Variants in DNM3 observed in about 807,000 individuals in gnomAD.
DNM3 encodes dynamin 3.
A neutral mutation model predicts 101.6 loss-of-function variants in DNM3; 47 were observed. The ratio of observed to expected loss-of-function variants is 0.46; its 90% CI spans 0.37 to 0.59. DNM3 has a LOEUF of 0.59. DNM3 is among the 20% of genes least tolerant of loss of function. DNM3 has a pLI of 0.00. For missense variants in DNM3, 849 were observed against 1,085.7 expected (o/e 0.78, Z 3.06); for synonymous variants, 385 against 387.9 (o/e 0.99, Z 0.09).
intron 1 of DNM3, among the ~76,000 whole-genome samples, chr1:171,853,731 C>A (rs999045065): frequency 6.6e-6 from 1 of 152,160 alleles, no homozygotes; most frequent in Non-Finnish European, 1.5e-5. Context: ...ATAACTCTGA[C>A]AGCATCCTGC....
chr1:172,164,227 C>CTTTTTTTTTTTTTTTT (rs1165249284), intron 14 of DNM3, among the ~76,000 whole-genome samples: 5 of 102,522 alleles, frequency 4.9e-5, no homozygotes, highest in African/African-American at 2.4e-4. Flanking sequence ...ATTTTCTTTT[C>CTTTTTTTTTTTTTTTT]TTTTCTTTTT....
At chr1:171,960,949 T>C (rs1002049291) in intron 2 of DNM3, among the ~76,000 whole-genome samples, 1 of 151,874 alleles carries the variant, frequency 6.6e-6, no homozygotes, top group African/African-American at 2.4e-5. Flanking sequence ...GGCAGTTGAG[T>C]TGGAAGTAGT....
chr1:172,354,110 T>TGAGAGAGAGAGAGAGAGAGAGAGAGAGA (rs1445200263), intron 17 of DNM3, among the ~76,000 whole-genome samples: 1 of 52,512 alleles, frequency 1.9e-5, no homozygotes, highest in Non-Finnish European at 3.7e-5. Context: ...TGTGTGTGTG[T>TGAGAGAGAGAGAGAGAGAGAGAGAGAGA]GTGAGAGAGA....
At chr1:172,100,347 A>C (rs147047363) in intron 13 of DNM3, among the ~76,000 whole-genome samples, 149 of 152,250 alleles carry the variant, frequency 9.8e-4, no homozygotes, top group African/African-American at 3.5e-3. Flanking sequence ...TTTTCATAGG[A>C]TCTCTCACAG....
At chr1:172,240,600 G>A (rs1020469797) in intron 14 of DNM3, among the ~76,000 whole-genome samples, 1 of 152,068 alleles carries the variant, frequency 6.6e-6, no homozygotes, top group African/African-American at 2.4e-5. Context: ...ACATCCAAAG[G>A]GCTAGCATGT....
intron 2 of DNM3, among the ~76,000 whole-genome samples, chr1:171,936,693 T>A (rs1205462380): frequency 6.6e-6 from 1 of 152,224 alleles, no homozygotes; most frequent in African/African-American, 2.4e-5. Flanking sequence ...TATTACATAA[T>A]GTAAAGGGTG....
chr1:172,124,084 A>C (rs1247130796), intron 13 of DNM3, among the ~76,000 whole-genome samples: 1 of 152,238 alleles, frequency 6.6e-6, no homozygotes. Flanking sequence ...ATGTTCAGAC[A>C]TGCTGTTTCT....
At chr1:172,271,590 T>G (rs2063088156) in intron 15 of DNM3, among the ~76,000 whole-genome samples, 1 of 152,036 alleles carries the variant, frequency 6.6e-6, no homozygotes. Context: ...AATGGAAGAG[T>G]ATTTTAATAG....
intron 9 of DNM3, among the ~76,000 whole-genome samples, chr1:172,044,984 A>T (rs1028398598): frequency 7.8e-6 from 1 of 128,700 alleles, no homozygotes; most frequent in South Asian, 2.9e-4. Context: ...ACAGGAGAGG[A>T]TGGAAGGATG....
At chr1:172,031,713 T>G (rs1284470093) in intron 4 of DNM3, among the ~76,000 whole-genome samples, 1 of 152,204 alleles carries the variant, frequency 6.6e-6, no homozygotes, top group Non-Finnish European at 1.5e-5. Flanking sequence ...ACCTTGGAGA[T>G]CATGGTTTCT....
At chr1:172,208,232 T>G (rs1373945480) in intron 14 of DNM3, among the ~76,000 whole-genome samples, 13 of 152,112 alleles carry the variant, frequency 8.5e-5, no homozygotes, top group Non-Finnish European at 1.9e-4. Context: ...CTTTTGGCTT[T>G]GCTCTTTAAA....
chr1:172,055,891 C>T (rs556153875), intron 10 of DNM3, among the ~76,000 whole-genome samples: 18 of 152,264 alleles, frequency 1.2e-4, no homozygotes, highest in African/African-American at 3.8e-4. Context: ...GCATGAGCGA[C>T]GCAGAAGACT....
Position 172,323,329 on chromosome 1 carries a change from G to C in DNM3, c.1882G>C (p.Gly628Arg), listed in dbSNP as rs2065805688. The C allele has an allele frequency of 6.2e-7, 1 of 1,604,566 alleles. No homozygotes were observed. Among genetic ancestry groups the C allele is most frequent in the Admixed American group, 1.7e-5 (1 of 59,108 alleles). The change falls in exon 17 of 21, where the codon GGG (glycine) becomes CGG (arginine). Residue 628 changes from glycine to arginine, a missense_variant and splice_region_variant. Coordinates refer to ENST00000627582, the MANE Select transcript of DNM3 (RefSeq NM_015569.5). ...CTTTTCCTTGCGGCTACATGCATAGGGGAACAACAAAGTAAGTTATTTGTC... is the reference window on the plus strand; with the variant it reads ...CTTTTCCTTGCGGCTACATGCATAGCGGAACAACAAAGTAAGTTATTTGTC... The part of the protein sequence containing the change: ...RAGVYPDKSV[G>R]NNKAENDENG...
Position 171,938,061 on chromosome 1 carries a change from G to A in DNM3, c.235+16240G>A, listed in dbSNP as rs1384750987. Among the ~76,000 whole-genome samples, 9 of 147,278 alleles carry A rather than the reference G, an allele frequency of 6.1e-5. No homozygotes were observed. In the East Asian group the frequency reaches 1.4e-3, roughly 23 times the overall value. ...TTTTTTTTTCTTGAAATGAGCAATC[G>A]TTCTTTTTATGATTTTCTAAATGTT... On this transcript the variant is annotated intron_variant, in intron 2 of 20. Coordinates refer to ENST00000627582, the MANE Select transcript of DNM3 (RefSeq NM_015569.5).
chr1:172,235,332 A>T (rs1264432413), intron 14 of DNM3, among the ~76,000 whole-genome samples: 1 of 152,152 alleles, frequency 6.6e-6, no homozygotes, highest in Non-Finnish European at 1.5e-5. Flanking sequence ...GCAATCATTA[A>T]AAAGTCAGGA....
chr1:171,878,743 A>T lies in DNM3; in HGVS notation c.161+36926A>T, dbSNP rs530639779. On this transcript the variant is annotated intron_variant, in intron 1 of 20. Transcript: ENST00000627582. Reference sequence around the variant, plus strand: ...CTTAAGGAATAATCATATCGTTTTAATCCCTAGTGGTACTTGGGTACTGTT... The same window carrying T: ...CTTAAGGAATAATCATATCGTTTTATTCCCTAGTGGTACTTGGGTACTGTT... Among the ~76,000 whole-genome samples, 423 of 152,298 alleles carry T rather than the reference A, an allele frequency of 2.8e-3. 2 individuals carry two copies. The highest frequency in any genetic ancestry group is 9.7e-3 in the African/African-American group (403 of 41,578).
chr1:172,158,021 A>C (rs10911125), intron 14 of DNM3, among the ~76,000 whole-genome samples: 55,375 of 151,880 alleles, frequency 0.36, 13,667 homozygotes, highest in African/African-American at 0.7. Context: ...GCATGATAAT[A>C]AAGTGCAAAC....
In DNM3 at chr1:172,266,823, T is replaced by C. The variant is rs74427845; in HGVS notation, c.1769+13141T>C. On this transcript the variant is annotated intron_variant, in intron 15 of 20. Coordinates refer to ENST00000627582, the MANE Select transcript of DNM3 (RefSeq NM_015569.5). Reference sequence around the variant, plus strand: ...GGGAAAAAATAAATCAGTTTGAGAGTAGAAACACTTTATCATTCTCAATTG... The same window carrying C: ...GGGAAAAAATAAATCAGTTTGAGAGCAGAAACACTTTATCATTCTCAATTG... 3.9e-5 allele frequency among the ~76,000 whole-genome samples: 6 copies of C among 152,252 alleles called. No homozygotes were observed. The East Asian group carries it at 1.2e-3, about 29-fold the overall frequency.
At chr1:171,863,045 C>CTT (rs35240856) in intron 1 of DNM3, among the ~76,000 whole-genome samples, 4,271 of 144,208 alleles carry the variant, frequency 0.03, 81 homozygotes, top group Non-Finnish European at 0.046. Flanking sequence ...GGAGGGTGTG[C>CTT]TTTTTTTTTT....
Sources: gnomAD v4.1 joint callset for allele counts (sites outside exome capture counted in the v4.1 genomes callset) on GRCh38, gnomAD v4.1.1 for gene constraint, MANE v1.5 for transcripts, NCBI Gene and HGNC (gene_info 2026-07-23, HGNC 2026-07-21) for gene names.